ATP8A2: variants seen among roughly 807,000 people sequenced by gnomAD.
ATP8A2 encodes the protein phospholipid-transporting ATPase IB.
A neutral mutation model predicts 165.6 loss-of-function variants in ATP8A2; 100 were observed. The ratio of observed to expected loss-of-function variants is 0.60; its 90% CI spans 0.51 to 0.71. The LOEUF is 0.71. Ranked by LOEUF, ATP8A2 falls within the 30% of genes least tolerant of loss-of-function variation. The pLI is 0.00. For synonymous variants in ATP8A2, 543 were observed against 548.8 expected (o/e 0.99, Z 0.15); for missense variants, 1,227 against 1,479.5 (o/e 0.83, Z 2.80).
intron 35 of ATP8A2, among the ~76,000 whole-genome samples, chr13:25,992,428 T>A (rs1956413985): frequency 6.6e-6 from 1 of 152,150 alleles, no homozygotes; most frequent in Non-Finnish European, 1.5e-5. Flanking sequence ...TATTGAGTTT[T>A]GAGAGTTATT....
chr13:25,668,508 C>G (rs984291891), intron 24 of ATP8A2, among the ~76,000 whole-genome samples: 15 of 152,148 alleles, frequency 9.9e-5, no homozygotes, highest in African/African-American at 3.1e-4. Flanking sequence ...CAACATAGAT[C>G]TCTTTGAGTT....
At chr13:25,474,570 GA>G (rs78146000) in intron 2 of ATP8A2, among the ~76,000 whole-genome samples, 220 of 113,346 alleles carry the variant, frequency 1.9e-3, no homozygotes, top group African/African-American at 4.1e-3. Flanking sequence ...TCAAAAAAAA[GA>G]AAAAAAAAAA....
At chr13:25,641,426 T>A (rs1368091706) in intron 24 of ATP8A2, among the ~76,000 whole-genome samples, 3 of 152,264 alleles carry the variant, frequency 2.0e-5, no homozygotes, top group Non-Finnish European at 4.4e-5. Context: ...ACAAAATCAA[T>A]GTGCAAAAAT....
At chr13:25,704,509 A>AT (rs1247215706) in intron 25 of ATP8A2, among the ~76,000 whole-genome samples, 1 of 151,760 alleles carries the variant, frequency 6.6e-6, no homozygotes, top group Non-Finnish European at 1.5e-5. Flanking sequence ...AATTTTTAAA[A>AT]TTTTTTTATA....
At chr13:25,505,971 G>A (rs186083539) in intron 2 of ATP8A2, among the ~76,000 whole-genome samples, 1 of 151,604 alleles carries the variant, frequency 6.6e-6, no homozygotes, top group African/African-American at 2.4e-5. Flanking sequence ...AGCTAGAGGT[G>A]TGGAAAGGTC....
intron 33 of ATP8A2, among the ~76,000 whole-genome samples, chr13:25,922,916 G>A (rs1197788270): frequency 6.6e-6 from 1 of 152,158 alleles, no homozygotes; most frequent in Non-Finnish European, 1.5e-5. Context: ...CTGCTAGGAA[G>A]CCCAGGAGAT....
At position 25,992,679 on chromosome 13, in the gene ATP8A2, T is replaced by G. The variant is rs553682551; in HGVS notation, c.3378-19852T>G. Among the ~76,000 whole-genome samples the G allele has an allele frequency of 2.1e-3, 149 of 70,768 alleles. 1 individual carries two copies. The highest frequency in any genetic ancestry group is 5.4e-3 in the African/African-American group (145 of 26,724). 46.4% of individuals were successfully genotyped at this position (70,768 alleles called of 152,430 possible). ...ATTTTTTTCCTAAAAGTTGTATAGT[T>G]TTTTTTTTGTTTGTTTTTTTAATTA... is the stretch of plus-strand genomic sequence containing the variant. On this transcript the variant is annotated intron_variant, in intron 35 of 36. Transcript: ENST00000381655.
At chr13:25,981,244 G>A (rs1488102922) in intron 35 of ATP8A2, among the ~76,000 whole-genome samples, 1 of 152,030 alleles carries the variant, frequency 6.6e-6, no homozygotes, top group Non-Finnish European at 1.5e-5. Context: ...AAGTATACAA[G>A]TCATACAAAG....
intron 24 of ATP8A2, among the ~76,000 whole-genome samples, chr13:25,688,502 T>C (rs2137847394): frequency 6.6e-6 from 1 of 152,312 alleles, no homozygotes; most frequent in East Asian, 1.9e-4. Context: ...TTTTTTCACT[T>C]ACTGATTTTT....
chr13:25,392,560 C>A (rs9511779), intron 1 of ATP8A2, among the ~76,000 whole-genome samples: 42,800 of 152,018 alleles, frequency 0.28, 6,734 homozygotes, highest in African/African-American at 0.42. Flanking sequence ...GAAAAGAAAT[C>A]AGAAGGCTTT....
At chr13:25,706,634 G>C (rs1046922425) in intron 25 of ATP8A2, among the ~76,000 whole-genome samples, 1 of 152,066 alleles carries the variant, frequency 6.6e-6, no homozygotes, top group African/African-American at 2.4e-5. Flanking sequence ...TATTGGTAGG[G>C]ATCCAATTGT....
chr13:25,792,755 A>G (rs1323568175), intron 27 of ATP8A2, among the ~76,000 whole-genome samples: 1 of 151,796 alleles, frequency 6.6e-6, no homozygotes, highest in Non-Finnish European at 1.5e-5. Flanking sequence ...TACAAAAACT[A>G]AAAGAAAGAA....
chr13:25,925,477 G>A (rs937004098), intron 33 of ATP8A2, among the ~76,000 whole-genome samples: 3 of 116,090 alleles, frequency 2.6e-5, no homozygotes, highest in African/African-American at 6.4e-5. Context: ...AGAGCTTGCA[G>A]TGAGTTGAGA....
chr13:25,555,094 G>A (rs2038942340), intron 13 of ATP8A2, 26 bp downstream of exon 13: 1 of 1,546,180 alleles, frequency 6.5e-7, no homozygotes, highest in Non-Finnish European at 8.9e-7. Context: ...GGAACTTTGG[G>A]AATGGTGACA....
In ATP8A2 at chr13:26,024,081, C is replaced by T. The variant is rs544886158; in HGVS notation, c.*4096C>T. 1 of 152,218 alleles carries T rather than the reference C, an allele frequency of 6.6e-6. No individual in the cohort carries two copies. Among genetic ancestry groups the T allele is most frequent in the Non-Finnish European group, 1.5e-5 (1 of 68,022 alleles). 9.4% of individuals were successfully genotyped at this position (152,218 alleles called of 1,614,324 possible). ...CCCTTCAAAAAAAGAAAATCTATAT[C>T]AGTTGGGTTTGGTTTTGGTTCTTCA... On this transcript the variant is annotated 3_prime_UTR_variant, in exon 37 of 37. Transcript: ENST00000381655.
At chr13:25,764,401 T>G (rs1013590078) in intron 25 of ATP8A2, among the ~76,000 whole-genome samples, 2 of 152,242 alleles carry the variant, frequency 1.3e-5, no homozygotes, top group Non-Finnish European at 2.9e-5. Flanking sequence ...TTTCTTGTAA[T>G]TGTTAACTGT....
intron 24 of ATP8A2, among the ~76,000 whole-genome samples, chr13:25,655,628 T>TCG (rs2041911491): frequency 6.6e-6 from 1 of 152,056 alleles, no homozygotes; most frequent in Non-Finnish European, 1.5e-5. Context: ...GTCGAGCAGC[T>TCG]ATCTGATGCC....
At chr13:25,653,061 T>C (rs1025191771) in intron 24 of ATP8A2, among the ~76,000 whole-genome samples, 6 of 152,248 alleles carry the variant, frequency 3.9e-5, no homozygotes, top group Non-Finnish European at 7.3e-5. Context: ...CCCTGCTGGA[T>C]TGTAAACGTC....
At chr13:25,862,945 T>G (rs977115137) in intron 33 of ATP8A2, among the ~76,000 whole-genome samples, 1 of 152,188 alleles carries the variant, frequency 6.6e-6, no homozygotes. Flanking sequence ...ATTTGAATGT[T>G]TTTTATTTTT....
Sources: gnomAD v4.1 joint callset for allele counts (sites outside exome capture counted in the v4.1 genomes callset) on GRCh38, gnomAD v4.1.1 for gene constraint, MANE v1.5 for transcripts, NCBI Gene and HGNC (gene_info 2026-07-23, HGNC 2026-07-21) for gene names.